The following IPO11 variants were observed in gnomAD, a reference collection of about 807,000 sequenced individuals.
The protein encoded by IPO11 is importin-11.
IPO11 carries 66 observed loss-of-function variants against 143.2 expected under a neutral mutation model. The ratio of observed to expected loss-of-function variants is 0.46; its 90% CI spans 0.38 to 0.57. The LOEUF is 0.57. Ranked by LOEUF, IPO11 falls within the 20% of genes least tolerant of loss-of-function variation. IPO11 has a pLI of 0.00. For missense variants in IPO11, 1,026 were observed against 1,141.0 expected (o/e 0.90, Z 1.45); for synonymous variants, 385 against 377.8 (o/e 1.02, Z -0.22).
At chr5:62,507,373 C>T (rs1331921707) in intron 19 of IPO11, among the ~76,000 whole-genome samples, 2 of 152,122 alleles carry the variant, frequency 1.3e-5, no homozygotes, top group Non-Finnish European at 2.9e-5. Flanking sequence ...ATACATTAAT[C>T]ACATTAATTC....
intron 6 of IPO11, among the ~76,000 whole-genome samples, chr5:62,468,236 A>G (rs957900471): frequency 1.3e-5 from 2 of 152,016 alleles, no homozygotes; most frequent in African/African-American, 4.8e-5. Flanking sequence ...TCTTAGTTTG[A>G]TCTCAGGCAG....
chr5:62,619,463 G>A (rs1746265185), intron 29 of IPO11, among the ~76,000 whole-genome samples: 1 of 152,152 alleles, frequency 6.6e-6, no homozygotes, highest in Admixed American at 6.5e-5. Context: ...CAGCAAATTT[G>A]ATCTAACATT....
intron 21 of IPO11, among the ~76,000 whole-genome samples, chr5:62,530,209 A>G (rs1036260809): frequency 6.6e-6 from 1 of 152,178 alleles, no homozygotes; most frequent in African/African-American, 2.4e-5. Context: ...TAATTTCATT[A>G]TTATGGATAC....
At chr5:62,621,672 A>T (rs2112482671) in intron 29 of IPO11, among the ~76,000 whole-genome samples, 1 of 152,326 alleles carries the variant, frequency 6.6e-6, no homozygotes, top group South Asian at 2.1e-4. Context: ...TATGAAGAGA[A>T]TTTAATAAGT....
chr5:62,547,059 G>A (rs920305228), intron 24 of IPO11, among the ~76,000 whole-genome samples: 1 of 152,094 alleles, frequency 6.6e-6, no homozygotes, highest in Non-Finnish European at 1.5e-5. Context: ...TGAAACATTT[G>A]AATCTAACTG....
At chr5:62,442,885 AAAC>A in intron 2 of IPO11, 95 bp from the exon 3 acceptor site, 3 of 709,258 alleles carry the variant, frequency 4.2e-6, no homozygotes, top group Non-Finnish European at 6.6e-6. Flanking sequence ...AAACAAAACA[AAAC>A]AAAACAAAGA....
Position 62,509,497 on chromosome 5 carries a change from G to A in IPO11, c.1782+3140G>A, listed in dbSNP as rs938380545. The stretch of plus-strand genomic sequence containing the variant: ...GCTTCCCCCACACCTCAAATTCTTT[G>A]GTAAGAACACTTAACATGAGATCCA... On this transcript the variant is annotated intron_variant, in intron 19 of 29. Transcript: ENST00000325324. Among the ~76,000 whole-genome samples, 8 of 152,092 alleles carry A rather than the reference G, an allele frequency of 5.3e-5. No individual in the cohort carries two copies. The South Asian group carries it at 1.7e-3, about 32-fold the overall frequency.
chr5:62,476,621 T>G (rs1387092888), intron 8 of IPO11, 62 bp from the exon 9 acceptor site: 24 of 1,443,922 alleles, frequency 1.7e-5, no homozygotes, highest in Admixed American at 5.5e-5. Flanking sequence ...TTTGTAAAAA[T>G]TTTGATGTTG....
chr5:62,435,210 G>GTACATATA lies in IPO11; in HGVS notation c.-6-2063_-6-2062insACATATAT, dbSNP rs769669064. Among the ~76,000 whole-genome samples, 288 of 92,312 alleles carry GTACATATA rather than the reference G, an allele frequency of 3.1e-3. 14 individuals carry two copies. Among genetic ancestry groups the GTACATATA allele is most frequent in the South Asian group, 0.01 (32 of 3,096 alleles). 60.6% of individuals were successfully genotyped at this position (92,312 alleles called of 152,430 possible). On this transcript the variant is annotated intron_variant, in intron 1 of 29. Coordinates refer to ENST00000325324, the MANE Select transcript of IPO11 (RefSeq NM_016338.5). Reference sequence around the variant, plus strand: ...TATATGTATATATATGTATATATATGTGTATATATATATATATCAGAGCAG... The same window carrying GTACATATA: ...TATATGTATATATATGTATATATATGTACATATATGTATATATATATATATCAGAGCAG...
At chr5:62,594,575 C>T (rs936106868) in intron 28 of IPO11, among the ~76,000 whole-genome samples, 1 of 152,220 alleles carries the variant, frequency 6.6e-6, no homozygotes, top group African/African-American at 2.4e-5. Context: ...GATTCAAATG[C>T]TAATCTCATG....
chr5:62,562,736 A>C (rs576039835), intron 27 of IPO11, among the ~76,000 whole-genome samples: 2 of 152,350 alleles, frequency 1.3e-5, no homozygotes, highest in East Asian at 3.9e-4. Context: ...GTCCAGTTTT[A>C]GAAGTCCTTA....
chr5:62,566,288 C>G (rs1347384221), intron 27 of IPO11, among the ~76,000 whole-genome samples: 1 of 152,164 alleles, frequency 6.6e-6, no homozygotes, highest in Non-Finnish European at 1.5e-5. Flanking sequence ...TCGCCAGCAT[C>G]TACTGTTTCT....
chr5:62,560,245 T>C (rs1335175301), intron 26 of IPO11, among the ~76,000 whole-genome samples: 1 of 152,186 alleles, frequency 6.6e-6, no homozygotes, highest in Non-Finnish European at 1.5e-5. Flanking sequence ...TGGATTAGCA[T>C]TCAAGATGGA....
intron 29 of IPO11, among the ~76,000 whole-genome samples, chr5:62,621,635 A>G (rs1013607132): frequency 6.6e-6 from 1 of 152,232 alleles, no homozygotes; most frequent in Non-Finnish European, 1.5e-5. Flanking sequence ...AAGCCAGGAA[A>G]GTCCCTAAGA....
chr5:62,424,238 C>G lies in IPO11; in HGVS notation c.-7+11309C>G, dbSNP rs153865. 1.1e-3 allele frequency among the ~76,000 whole-genome samples: 174 copies of G among 151,838 alleles called. 5 individuals carry two copies. In the East Asian group the frequency reaches 0.031, roughly 27 times the overall value. ...CACTGCAAGCTCCGCCTCCCGGGTT[C>G]ACGCCATTCTCCTGCCTCAGCCTCC... On this transcript the variant is annotated intron_variant, in intron 1 of 29. Transcript: ENST00000325324.
At chr5:62,596,830 C>G (rs555224358) in intron 28 of IPO11, among the ~76,000 whole-genome samples, 2 of 152,250 alleles carry the variant, frequency 1.3e-5, no homozygotes, top group Non-Finnish European at 2.9e-5. Flanking sequence ...TAATGGGGCT[C>G]TATTCTGTGC....
At chr5:62,423,602 A>C (rs1182471029) in intron 1 of IPO11, among the ~76,000 whole-genome samples, 1 of 152,194 alleles carries the variant, frequency 6.6e-6, no homozygotes, top group East Asian at 1.9e-4. Context: ...AAAAGTAGAC[A>C]GAATTTTATG....
intron 27 of IPO11, among the ~76,000 whole-genome samples, chr5:62,589,149 T>C (rs1451681481): frequency 6.6e-6 from 1 of 152,112 alleles, no homozygotes; most frequent in African/African-American, 2.4e-5. Context: ...GCACCTGTAC[T>C]TTCAGCTGTT....
chr5:62,623,326 C>A lies in IPO11; in HGVS notation c.2764-3828C>A, dbSNP rs184954450. On this transcript the variant is annotated intron_variant, in intron 29 of 29. Transcript: ENST00000325324. ...AAGGAAGCCTGAATATATTATTATT[C>A]TTAAAAAATGTTCTACATTTCTAAG... Among the ~76,000 whole-genome samples the A allele has an allele frequency of 9.9e-5, 15 of 152,186 alleles. No homozygotes were observed. The East Asian group carries it at 2.7e-3, about 27-fold the overall frequency.
Sources: allele counts gnomAD v4.1 joint callset (sites outside exome capture counted in the v4.1 genomes callset), GRCh38; gene constraint gnomAD v4.1.1; transcripts MANE v1.5; gene names NCBI Gene and HGNC (gene_info 2026-07-23, HGNC 2026-07-21).